EYA3: variants seen among roughly 807,000 people sequenced by gnomAD.
The protein encoded by EYA3 is protein phosphatase EYA3.
EYA3 carries 39 observed loss-of-function variants against 80.0 expected under a neutral mutation model. The observed-to-expected ratio is 0.49, with a 90% CI of 0.38 to 0.64. EYA3 has a LOEUF of 0.64. EYA3 is among the 30% of genes least tolerant of loss of function. The probability of loss-of-function intolerance (pLI) is 0.00; values close to 1 mark genes in which losing one functional copy is unlikely to be tolerated. For synonymous variants in EYA3, 206 were observed against 232.8 expected (o/e 0.88, Z 1.05); for missense variants, 523 against 676.1 (o/e 0.77, Z 2.51).
intron 1 of EYA3, among the ~76,000 whole-genome samples, chr1:28,081,150 T>C (rs574309031): frequency 6.6e-6 from 1 of 152,280 alleles, no homozygotes; most frequent in Admixed American, 6.5e-5. Flanking sequence ...AAAAATTTTT[T>C]TTTGCACAGA....
chr1:28,019,705 C>G (rs1026424128), intron 7 of EYA3, among the ~76,000 whole-genome samples: 4 of 151,802 alleles, frequency 2.6e-5, no homozygotes, highest in Non-Finnish European at 5.9e-5. Context: ...TCTCCATATC[C>G]TTTTTTTCTT....
chr1:28,050,505 A>C (rs1367562505), intron 2 of EYA3, among the ~76,000 whole-genome samples: 1 of 151,830 alleles, frequency 6.6e-6, no homozygotes, highest in African/African-American at 2.4e-5. Context: ...CCTGGCCAAA[A>C]ATTTATTTAC....
intron 7 of EYA3, among the ~76,000 whole-genome samples, chr1:28,021,498 C>T (rs771537264): frequency 6.6e-6 from 1 of 152,148 alleles, no homozygotes; most frequent in African/African-American, 2.4e-5. Flanking sequence ...CTTATAATCT[C>T]CAGCATCTAG....
chr1:28,013,714 T>TA lies in EYA3; in HGVS notation c.586-421dup, dbSNP rs1385169218. Among the ~76,000 whole-genome samples the TA allele has an allele frequency of 6.6e-6, 1 of 152,136 alleles. No homozygotes were observed. The highest frequency in any genetic ancestry group is 2.4e-5 in the African/African-American group (1 of 41,430). On this transcript the variant is annotated intron_variant, in intron 8 of 17. Transcript: ENST00000373871. The surrounding 1 kb of genome is among the most constrained non-coding windows in gnomAD (Gnocchi z 4.0). Reference sequence around the variant, plus strand: ...CTTCTAAGGACAACAAAACAAAACTTAAACTTAAGCAAACAAAAAAAGCAC... The same window carrying TA: ...CTTCTAAGGACAACAAAACAAAACTTAAAACTTAAGCAAACAAAAAAAGCAC...
In EYA3 at chr1:27,990,498, A is replaced by C. The variant is rs532778925; in HGVS notation, c.1304-687T>G. On this transcript the variant is annotated intron_variant, in intron 14 of 17. Coordinates refer to ENST00000373871, the MANE Select transcript of EYA3 (RefSeq NM_001990.4). ...TTGTCGGGAGGCCAGTGTTGGCGTG[A>C]GTGAACAAGGATTTGGAAGTGTGGT... 3 of 150,322 alleles carry C rather than the reference A, an allele frequency of 2.0e-5. No individual in the cohort carries two copies. In the East Asian group the frequency reaches 5.9e-4, roughly 29 times the overall value. The allele number at this position is 150,322 out of a possible 1,614,324, so 9.3% of individuals were successfully genotyped here. A position where few individuals can be genotyped will look rare whatever the true frequency, so the allele number is the denominator to read the frequency against.
intron 16 of EYA3, among the ~76,000 whole-genome samples, chr1:27,986,927 C>T (rs899671338): frequency 3.9e-5 from 6 of 152,038 alleles, no homozygotes; most frequent in African/African-American, 1.4e-4. Context: ...TAGTCTCGAT[C>T]TCCTGACCTT....
chr1:28,079,071 C>T (rs1645327220), intron 1 of EYA3, among the ~76,000 whole-genome samples: 1 of 152,228 alleles, frequency 6.6e-6, no homozygotes, highest in African/African-American at 2.4e-5. Flanking sequence ...TTACCATTCT[C>T]ATTTTTTTTC....
At chr1:28,002,422 T>C (rs1640929471) in intron 11 of EYA3, among the ~76,000 whole-genome samples, 1 of 150,620 alleles carries the variant, frequency 6.6e-6, no homozygotes, top group South Asian at 2.1e-4. Context: ...TTTATAAATA[T>C]ATATATAATT....
intron 1 of EYA3, among the ~76,000 whole-genome samples, chr1:28,081,615 T>C (rs537713600): frequency 1.8e-4 from 27 of 152,314 alleles, no homozygotes; most frequent in African/African-American, 6.3e-4. Flanking sequence ...ATCACATTCA[T>C]TTCATCAATC....
chr1:28,035,492 C>G (rs1643396312), intron 6 of EYA3, 52 bp downstream of exon 6: 1 of 1,593,950 alleles, frequency 6.3e-7, no homozygotes, highest in Admixed American at 1.8e-5. Flanking sequence ...ATCAAAGTTT[C>G]TGCGGAATAA....
chr1:28,083,624 A>G (rs1645509735), intron 1 of EYA3, among the ~76,000 whole-genome samples: 1 of 152,226 alleles, frequency 6.6e-6, no homozygotes, highest in South Asian at 2.1e-4. Flanking sequence ...TAAGTGCTGT[A>G]TAAAGTTCAC....
intron 7 of EYA3, among the ~76,000 whole-genome samples, chr1:28,027,345 G>A (rs768823591): frequency 2.6e-5 from 4 of 152,134 alleles, no homozygotes; most frequent in African/African-American, 7.2e-5. Flanking sequence ...CAAGAGAAAT[G>A]CTCTCATCAA....
At position 28,046,715 on chromosome 1, in the gene EYA3, A is replaced by G. The variant is rs531227693; in HGVS notation, c.77+1668T>C. 9.1e-4 allele frequency among the ~76,000 whole-genome samples: 138 copies of G among 152,222 alleles called. 1 individual carries two copies. The highest frequency in any genetic ancestry group is 1.6e-3 in the Admixed American group (25 of 15,278). ...AAGTGATTGGGAATAAGTACAGAATAGGTGGATAGTTGGGTTTAATCAGGG... is the reference window on the plus strand; with the variant it reads ...AAGTGATTGGGAATAAGTACAGAATGGGTGGATAGTTGGGTTTAATCAGGG... On this transcript the variant is annotated intron_variant, in intron 3 of 17. Coordinates refer to ENST00000373871, the MANE Select transcript of EYA3 (RefSeq NM_001990.4).
Position 27,984,776 on chromosome 1 carries a change from C to T in EYA3, c.1540+3759G>A, listed in dbSNP as rs547915531. On this transcript the variant is annotated intron_variant, in intron 16 of 17. Transcript: ENST00000373871. ...ATTTCTCTTATGAATCTTATAAATC[C>T]TCTGAAGTCCATATAACTCTAGAGC... Among the ~76,000 whole-genome samples the T allele has an allele frequency of 2.0e-5, 3 of 152,202 alleles. 1 individual carries two copies. Among genetic ancestry groups the T allele is most frequent in the South Asian group, 4.2e-4 (2 of 4,818 alleles).
intron 12 of EYA3, among the ~76,000 whole-genome samples, chr1:27,998,078 A>C (rs1216353454): frequency 6.6e-6 from 1 of 152,178 alleles, no homozygotes; most frequent in Non-Finnish European, 1.5e-5. Context: ...AATGCCGCCC[A>C]CTACCTAACT....
At chr1:27,999,898 G>T in intron 12 of EYA3, 62 bp downstream of exon 12, 1 of 1,250,522 alleles carries the variant, frequency 8.0e-7, no homozygotes, top group Non-Finnish European at 1.1e-6. Context: ...ATAAGCAAAA[G>T]CTCTAAATAG....
intron 1 of EYA3, among the ~76,000 whole-genome samples, chr1:28,068,675 T>TA (rs762972142): frequency 2.6e-5 from 4 of 152,184 alleles, no homozygotes; most frequent in Non-Finnish European, 5.9e-5. Context: ...CTTTTTATGC[T>TA]ACGTATTAAC....
chr1:28,042,685 T>A, intron 3 of EYA3, 35 bp from the exon 4 acceptor site: 1 of 1,566,380 alleles, frequency 6.4e-7, no homozygotes, highest in Non-Finnish European at 8.8e-7. Context: ...TAGCCCCTGA[T>A]TGATTTGCTG....
At chr1:28,021,519 G>A (rs913342390) in intron 7 of EYA3, among the ~76,000 whole-genome samples, 28 of 151,922 alleles carry the variant, frequency 1.8e-4, no homozygotes, top group African/African-American at 6.0e-4. Context: ...CAAAGCACCT[G>A]ACATACAGCA....
Sources: allele counts gnomAD v4.1 joint callset (sites outside exome capture counted in the v4.1 genomes callset), GRCh38; gene constraint gnomAD v4.1.1; non-coding constraint Gnocchi (gnomAD v3.1); transcripts MANE v1.5; gene names NCBI Gene and HGNC (gene_info 2026-07-23, HGNC 2026-07-21).